The following DCP1B variants were observed in gnomAD, a reference collection of about 807,000 sequenced individuals.
DCP1B encodes mRNA-decapping enzyme 1B.
Under a neutral mutation model 60.5 loss-of-function variants are expected in DCP1B, and 47 were observed. That is an observed-to-expected ratio of 0.78 (90% CI 0.61 to 0.99). The LOEUF is 0.99. DCP1B is among the 50% of genes least tolerant of loss of function. DCP1B has a pLI of 0.00. For missense variants in DCP1B, 725 were observed against 756.8 expected (o/e 0.96, Z 0.49); for synonymous variants, 267 against 280.3 (o/e 0.95, Z 0.47).
intron 7 of DCP1B, among the ~76,000 whole-genome samples, chr12:1,950,617 G>A (rs1804315687): frequency 6.6e-6 from 1 of 152,110 alleles, no homozygotes. Flanking sequence ...AAAGACTTTT[G>A]GCACATGCCT....
intron 5 of DCP1B, among the ~76,000 whole-genome samples, chr12:1,955,976 T>C (rs976279458): frequency 1.3e-5 from 2 of 152,230 alleles, no homozygotes; most frequent in African/African-American, 4.8e-5. Context: ...TGGAGAGTAG[T>C]TGAGTACATT....
At chr12:1,980,563 A>G (rs557469994) in intron 3 of DCP1B, among the ~76,000 whole-genome samples, 4 of 152,040 alleles carry the variant, frequency 2.6e-5, no homozygotes, top group Non-Finnish European at 5.9e-5. Flanking sequence ...TCTTAAGAAC[A>G]GAAGTTTTTA....
downstream of DCP1B, among the ~76,000 whole-genome samples, chr12:1,942,895 G>A (rs1477527433): frequency 6.6e-6 from 1 of 152,090 alleles, no homozygotes; most frequent in African/African-American, 2.4e-5. Flanking sequence ...AACTAGAGAA[G>A]CAAGGGCAAA....
chr12:1,991,406 G>A (rs1439628515), intron 3 of DCP1B: 8 of 240,356 alleles, frequency 3.3e-5, no homozygotes, highest in East Asian at 2.0e-4. Context: ...GGGGAACCAC[G>A]AACGTGAGCC....
chr12:1,991,829 A>G (rs890916099), intron 3 of DCP1B: 1 of 154,286 alleles, frequency 6.5e-6, no homozygotes, highest in Non-Finnish European at 1.4e-5. Flanking sequence ...TGTGATCTAT[A>G]ATAAGAATTT....
intron 5 of DCP1B, 111 bp from the exon 6 acceptor site, chr12:1,955,671 G>T: frequency 8.1e-7 from 1 of 1,228,614 alleles, no homozygotes. Flanking sequence ...GTTTTTGATA[G>T]ATTTTCATGC....
chr12:1,976,632 T>G (rs2034446769), intron 3 of DCP1B, among the ~76,000 whole-genome samples: 1 of 151,912 alleles, frequency 6.6e-6, no homozygotes, highest in African/African-American at 2.4e-5. Context: ...AGTTTTTGCC[T>G]AGTAAGAATG....
intron 3 of DCP1B, among the ~76,000 whole-genome samples, chr12:1,978,648 A>T (rs1485125086): frequency 6.6e-6 from 1 of 152,190 alleles, no homozygotes; most frequent in Non-Finnish European, 1.5e-5. Flanking sequence ...AAATATTTTT[A>T]TCACTCTTTT....
rs1353160111 is a variant in DCP1B at position 1,971,284 on chromosome 12, A to G, written c.320-3374T>C. 1.4e-6 allele frequency: 1 copy of G among 716,484 alleles called. No individual in the cohort carries two copies. The highest frequency in any genetic ancestry group is 2.1e-6 in the Non-Finnish European group (1 of 487,650). 44.4% of individuals were successfully genotyped at this position (716,484 alleles called of 1,614,324 possible). A position where few individuals can be genotyped will look rare whatever the true frequency, so the allele number is the denominator to read the frequency against. On this transcript the variant is annotated intron_variant, in intron 3 of 8. Transcript: ENST00000280665. This position sits in a 1 kb window ranked among gnomAD's most constrained non-coding sequence, Gnocchi z 4.2. ...ATATCCTAATGATACCTAGAATGTG[A>G]CTTCCTCACTCTAAGAACTCATCTC...
chr12:1,999,353 A>T (rs1312675307), intron 1 of DCP1B, among the ~76,000 whole-genome samples: 1 of 152,250 alleles, frequency 6.6e-6, no homozygotes, highest in Non-Finnish European at 1.5e-5. Flanking sequence ...GCTATAAAAA[A>T]TCATTACCTA....
chr12:1,955,954 T>C (rs776302660), intron 5 of DCP1B, among the ~76,000 whole-genome samples: 58 of 152,220 alleles, frequency 3.8e-4, no homozygotes, highest in Non-Finnish European at 7.3e-4. Context: ...ATTTAAGCAG[T>C]TGACTTAAAA....
intron 7 of DCP1B, among the ~76,000 whole-genome samples, 154 bp downstream of exon 7, chr12:1,952,262 C>T (rs541217241): frequency 6.6e-6 from 1 of 152,244 alleles, no homozygotes; most frequent in East Asian, 1.9e-4. Context: ...TAACCTCCGC[C>T]TCTTGAGCTC....
Position 1,953,157 on chromosome 12 carries a change from T to TTGCTGCTGC in DCP1B, c.774_782dup (p.Gln259_Gln261dup), listed in dbSNP as rs71057810. 195 of 1,562,110 alleles carry TTGCTGCTGC rather than the reference T, an allele frequency of 1.2e-4. No homozygotes were observed. The highest frequency in any genetic ancestry group is 8.2e-4 in the East Asian group (34 of 41,630). On this transcript the variant is annotated inframe_insertion, in exon 7 of 9. Transcript: ENST00000280665. ...CCCCCTGCCTAATTGGAAGCTTCTC[T>TTGCTGCTGC]TGCTGCTGCTGCTGCTGCTGCTGCT...
At chr12:1,997,107 C>A (rs1459125909) in intron 2 of DCP1B, among the ~76,000 whole-genome samples, 2 of 152,048 alleles carry the variant, frequency 1.3e-5, no homozygotes, top group Non-Finnish European at 2.9e-5. Context: ...TATCTGATAA[C>A]AAGAAATGAC....
At position 1,952,987 on chromosome 12, in the gene DCP1B, T is replaced by C. The variant is rs2073084376; in HGVS notation, c.953A>G (p.Asn318Ser). 1 of 1,614,110 alleles carries C rather than the reference T, an allele frequency of 6.2e-7. No individual in the cohort carries two copies. The highest frequency in any genetic ancestry group is 1.7e-5 in the Admixed American group (1 of 60,020). Reference protein sequence around the residue: ...SELPENRPCENGSTHSAGEFF... With the variant: ...SELPENRPCESGSTHSAGEFF... Reference sequence around the variant, plus strand: ...TTCTCCCGCAGAATGGGTACTGCCATTTTCACAAGGCCGGTTTTCAGGCAG... The same window carrying C: ...TTCTCCCGCAGAATGGGTACTGCCACTTTCACAAGGCCGGTTTTCAGGCAG... The change falls in exon 7 of 9, where the codon AAT becomes AGT. Residue 318 changes from asparagine to serine, a missense_variant. By Grantham distance (46) the Asn-to-Ser change is conservative (BLOSUM62 1). Coordinates refer to ENST00000280665, the MANE Select transcript of DCP1B (RefSeq NM_152640.5).
chr12:1,954,156 C>A (rs527238148), intron 6 of DCP1B, among the ~76,000 whole-genome samples: 1 of 149,876 alleles, frequency 6.7e-6, no homozygotes, highest in Non-Finnish European at 1.5e-5. Flanking sequence ...CACTCCAGCC[C>A]GGGTAACAGG....
chr12:1,979,337 C>T (rs764877855), intron 3 of DCP1B, among the ~76,000 whole-genome samples: 32 of 151,714 alleles, frequency 2.1e-4, no homozygotes, highest in African/African-American at 7.0e-4. Flanking sequence ...GTCTTTGAGA[C>T]GGAGTCTGGC....
At chr12:1,980,607 A>G (rs1240120323) in intron 3 of DCP1B, among the ~76,000 whole-genome samples, 4 of 151,438 alleles carry the variant, frequency 2.6e-5, no homozygotes, top group African/African-American at 9.7e-5. Flanking sequence ...ATGAGGTAAA[A>G]TTTATCATTT....
chr12:1,950,884 G>T (rs887683115), intron 7 of DCP1B, among the ~76,000 whole-genome samples: 33 of 152,164 alleles, frequency 2.2e-4, no homozygotes, highest in African/African-American at 5.6e-4. Flanking sequence ...CTAGGTTCAA[G>T]CGATTCTCCT....
Sources: allele counts gnomAD v4.1 joint callset (sites outside exome capture counted in the v4.1 genomes callset), GRCh38; gene constraint gnomAD v4.1.1; non-coding constraint Gnocchi (gnomAD v3.1); transcripts MANE v1.5; gene names NCBI Gene and HGNC (gene_info 2026-07-23, HGNC 2026-07-21).